The following BCKDHB variants were observed in gnomAD, a reference collection of about 807,000 sequenced individuals.
The protein encoded by BCKDHB is 2-oxoisovalerate dehydrogenase subunit beta, mitochondrial.
A neutral mutation model predicts 48.5 loss-of-function variants in BCKDHB; 41 were observed. The observed-to-expected ratio is 0.85, with a 90% confidence interval of 0.66 to 1.10. The LOEUF (loss-of-function observed/expected upper bound fraction) is 1.10. Among genes scored for constraint, BCKDHB ranks in the 50% least tolerant of loss-of-function variants. The pLI, the probability that BCKDHB is intolerant of heterozygous loss-of-function variation, is 0.00. For synonymous variants in BCKDHB, 201 were observed against 174.8 expected (o/e 1.15, Z -1.18); for missense variants, 496 against 494.2 (o/e 1.00, Z -0.03).
At chr6:80,410,732 A>T in the BCKDHB span, among the ~76,000 whole-genome samples, 1 of 152,156 alleles carries the variant, frequency 6.6e-6, no homozygotes, top group African/African-American at 2.4e-5. Context: ...ACTTGATCGA[A>T]TCAGCTATCG....
the BCKDHB span, among the ~76,000 whole-genome samples, chr6:80,379,444 T>G: frequency 6.6e-6 from 1 of 151,878 alleles, no homozygotes; most frequent in African/African-American, 2.4e-5. Flanking sequence ...ATGGAACATA[T>G]CTCAAAATAA....
At chr6:80,377,862 C>G in the BCKDHB span, among the ~76,000 whole-genome samples, 3 of 152,142 alleles carry the variant, frequency 2.0e-5, no homozygotes, top group Non-Finnish European at 4.4e-5. Flanking sequence ...TTGTGAATTT[C>G]TGCAAAGAAG....
chr6:80,318,858 A>G (rs982740367), intron 9 of BCKDHB, among the ~76,000 whole-genome samples: 5 of 152,144 alleles, frequency 3.3e-5, no homozygotes, highest in African/African-American at 1.2e-4. Flanking sequence ...GAGGATATAC[A>G]TAGATTATAT....
chr6:80,172,302 A>G (rs1331303579), intron 6 of BCKDHB, among the ~76,000 whole-genome samples: 1 of 152,086 alleles, frequency 6.6e-6, no homozygotes, highest in African/African-American at 2.4e-5. Flanking sequence ...ATTTCTACTT[A>G]GTAAGGAACA....
At chr6:80,131,585 C>T (rs1201798210) in intron 3 of BCKDHB, among the ~76,000 whole-genome samples, 1 of 152,062 alleles carries the variant, frequency 6.6e-6, no homozygotes, top group Non-Finnish European at 1.5e-5. Flanking sequence ...AATCCATTCC[C>T]TATCTTGTTG....
At chr6:80,409,312 T>G in the BCKDHB span, among the ~76,000 whole-genome samples, 1 of 152,020 alleles carries the variant, frequency 6.6e-6, no homozygotes, top group East Asian at 1.9e-4. Flanking sequence ...TGTGGTCAAT[T>G]TTAGAATAAG....
chr6:80,156,606 T>C (rs1054458729), intron 3 of BCKDHB, among the ~76,000 whole-genome samples: 3 of 152,174 alleles, frequency 2.0e-5, no homozygotes, highest in African/African-American at 7.2e-5. Flanking sequence ...ACCATATCTT[T>C]AAGTGACTTC....
At chr6:80,195,166 T>C (rs1468486934) in intron 6 of BCKDHB, among the ~76,000 whole-genome samples, 1 of 151,096 alleles carries the variant, frequency 6.6e-6, no homozygotes, top group Non-Finnish European at 1.5e-5. Flanking sequence ...TCTACAGATT[T>C]TTTTTTTGAT....
downstream of BCKDHB, among the ~76,000 whole-genome samples, chr6:80,349,199 T>C (rs770594174): frequency 2.0e-5 from 3 of 152,248 alleles, no homozygotes; most frequent in Admixed American, 1.3e-4. Flanking sequence ...TGCATTATTC[T>C]GCTGTTAACC....
At chr6:80,161,576 C>T (rs1488276023) in intron 3 of BCKDHB, among the ~76,000 whole-genome samples, 1 of 152,208 alleles carries the variant, frequency 6.6e-6, no homozygotes, top group Non-Finnish European at 1.5e-5. Context: ...CCCTCCTTGT[C>T]CTTATGGACC....
At chr6:80,400,242 A>C in the BCKDHB span, among the ~76,000 whole-genome samples, 1 of 152,222 alleles carries the variant, frequency 6.6e-6, no homozygotes, top group South Asian at 2.1e-4. Flanking sequence ...GGATCTTATC[A>C]AACTGAAGAG....
the BCKDHB span, among the ~76,000 whole-genome samples, chr6:80,384,550 A>C: frequency 6.6e-6 from 1 of 151,758 alleles, no homozygotes; most frequent in Admixed American, 6.6e-5. Context: ...ATAGAGATGG[A>C]GTTTCACCAT....
the BCKDHB span, among the ~76,000 whole-genome samples, chr6:80,367,854 T>C: frequency 6.6e-6 from 1 of 152,364 alleles, no homozygotes; most frequent in East Asian, 1.9e-4. Context: ...ACATTGCACA[T>C]AGTGCTTCTC....
chr6:80,331,629 T>C (rs1325839497), intron 9 of BCKDHB, among the ~76,000 whole-genome samples: 1 of 152,216 alleles, frequency 6.6e-6, no homozygotes, highest in African/African-American at 2.4e-5. Flanking sequence ...TCATGTAACA[T>C]GAGCCAATCT....
the BCKDHB span, among the ~76,000 whole-genome samples, chr6:80,358,109 T>C: frequency 1.0e-3 from 157 of 152,312 alleles, no homozygotes; most frequent in African/African-American, 3.3e-3. Flanking sequence ...TATGTCATTT[T>C]TTTTTCTCTC....
chr6:80,312,362 C>G (rs565115877), intron 9 of BCKDHB, among the ~76,000 whole-genome samples: 16 of 152,186 alleles, frequency 1.1e-4, no homozygotes, highest in South Asian at 2.1e-4. Flanking sequence ...AAGATTATGT[C>G]ATCTGCAAAC....
chr6:80,385,203 A>C, the BCKDHB span, among the ~76,000 whole-genome samples: 1 of 152,250 alleles, frequency 6.6e-6, no homozygotes, highest in Non-Finnish European at 1.5e-5. Flanking sequence ...TCCCAGCTTC[A>C]GAAGCAGATA....
chr6:80,107,028 G>GC, intron 1 of BCKDHB, 139 bp downstream of exon 1: 2 of 1,141,802 alleles, frequency 1.8e-6, no homozygotes, highest in South Asian at 2.7e-5. Context: ...GAACCTCCTT[G>GC]CCTCAGGGTC....
intron 1 of BCKDHB, among the ~76,000 whole-genome samples, chr6:80,114,670 A>C (rs553205829): frequency 1.3e-5 from 2 of 152,312 alleles, no homozygotes; most frequent in South Asian, 4.1e-4. Context: ...ACCTGGGTGG[A>C]GGGTAGTGCC....
Sources: gnomAD v4.1 joint callset for allele counts (sites outside exome capture counted in the v4.1 genomes callset) on GRCh38, gnomAD v4.1.1 for gene constraint, MANE v1.5 for transcripts, NCBI Gene and HGNC (gene_info 2026-07-23, HGNC 2026-07-21) for gene names.